The following MARCHF3 variants were observed in gnomAD, a reference collection of about 807,000 sequenced individuals.
MARCHF3 encodes membrane associated ring-CH-type finger 3, also known as E3 ubiquitin-protein ligase MARCHF3.
A neutral mutation model predicts 24.2 loss-of-function variants in MARCHF3; 13 were observed. The ratio of observed to expected loss-of-function variants is 0.54; its 90% CI spans 0.35 to 0.85. The LOEUF (loss-of-function observed/expected upper bound fraction) is 0.85, where lower values mean the gene tolerates loss of function less well. MARCHF3 is among the 40% of genes least tolerant of loss of function. The pLI is 0.01. For missense variants in MARCHF3, 276 were observed against 325.0 expected (o/e 0.85, Z 1.16); for synonymous variants, 144 against 137.3 (o/e 1.05, Z -0.34).
intron 1 of MARCHF3, among the ~76,000 whole-genome samples, chr5:126,976,799 G>A (rs972836146): frequency 2.0e-5 from 3 of 152,210 alleles, no homozygotes; most frequent in African/African-American, 2.4e-5. Context: ...AGCAGGGAGA[G>A]CCCCATTGGG....
intron 1 of MARCHF3, among the ~76,000 whole-genome samples, chr5:126,996,548 A>AT (rs1751955199): frequency 6.6e-6 from 1 of 150,596 alleles, no homozygotes; most frequent in Non-Finnish European, 1.5e-5. Context: ...AAAAAAAAAA[A>AT]GAAAGGGAGA....
intron 1 of MARCHF3, among the ~76,000 whole-genome samples, chr5:126,970,181 G>A (rs916917111): frequency 1.3e-5 from 2 of 151,766 alleles, no homozygotes; most frequent in Admixed American, 1.3e-4. Context: ...TCTGCCTCCC[G>A]GGTTCAAATG....
intron 1 of MARCHF3, among the ~76,000 whole-genome samples, chr5:126,919,027 A>G (rs1161099743): frequency 6.6e-6 from 1 of 152,262 alleles, no homozygotes; most frequent in Non-Finnish European, 1.5e-5. Context: ...AACACATAGG[A>G]GAACGTGAGA....
At chr5:127,003,768 T>C (rs1580476272) in intron 1 of MARCHF3, among the ~76,000 whole-genome samples, 2 of 152,274 alleles carry the variant, frequency 1.3e-5, no homozygotes, top group South Asian at 2.1e-4. Flanking sequence ...AAAAAGTGGA[T>C]AGTGAATTAT....
At chr5:126,893,054 T>C (rs377691366) in intron 3 of MARCHF3, among the ~76,000 whole-genome samples, 1 of 151,986 alleles carries the variant, frequency 6.6e-6, no homozygotes, top group Non-Finnish European at 1.5e-5. Flanking sequence ...CCATTTCTTC[T>C]AGATTTTCTA....
chr5:126,914,863 C>G, intron 3 of MARCHF3, 67 bp downstream of exon 3: 1 of 1,524,716 alleles, frequency 6.6e-7, no homozygotes, highest in East Asian at 2.3e-5. Context: ...GCTTGTGATC[C>G]AGGCATAAAA....
chr5:126,957,880 C>G (rs1750501459), intron 1 of MARCHF3, among the ~76,000 whole-genome samples: 1 of 151,994 alleles, frequency 6.6e-6, no homozygotes, highest in Non-Finnish European at 1.5e-5. Context: ...AGAATTGTGT[C>G]TTGCAAATAT....
intron 1 of MARCHF3, among the ~76,000 whole-genome samples, chr5:126,972,746 T>A (rs75747150): frequency 0.016 from 2,504 of 152,290 alleles, 65 homozygotes; most frequent in African/African-American, 0.057. Context: ...AAATTTATTC[T>A]CACTGGCCTC....
intron 3 of MARCHF3, among the ~76,000 whole-genome samples, chr5:126,892,977 G>T (rs1753748896): frequency 6.6e-6 from 1 of 151,700 alleles, no homozygotes; most frequent in Admixed American, 6.6e-5. Flanking sequence ...TCCTGTTATT[G>T]GTCTATTCAG....
At chr5:127,028,427 T>C (rs567935669) in intron 1 of MARCHF3, among the ~76,000 whole-genome samples, 6 of 152,350 alleles carry the variant, frequency 3.9e-5, no homozygotes, top group South Asian at 4.1e-4. Context: ...TTGTGAATCA[T>C]TGCAACTAGT....
chr5:126,957,954 A>C (rs1750503186), intron 1 of MARCHF3, among the ~76,000 whole-genome samples: 1 of 152,104 alleles, frequency 6.6e-6, no homozygotes, highest in South Asian at 2.1e-4. Context: ...TCAGTATTTT[A>C]GTTTTCCAAA....
chr5:126,911,831 T>A (rs1754542005), intron 3 of MARCHF3, among the ~76,000 whole-genome samples: 1 of 152,210 alleles, frequency 6.6e-6, no homozygotes, highest in Admixed American at 6.5e-5. Flanking sequence ...TAGACACACA[T>A]AATCAACTCA....
At chr5:126,915,601 A>G (rs1754699980) in intron 2 of MARCHF3, among the ~76,000 whole-genome samples, 1 of 152,176 alleles carries the variant, frequency 6.6e-6, no homozygotes, top group South Asian at 2.1e-4. Context: ...AGAGGAGGGA[A>G]GTTAGCCAGC....
At chr5:127,022,026 C>G (rs1420725946) in intron 1 of MARCHF3, among the ~76,000 whole-genome samples, 1 of 152,124 alleles carries the variant, frequency 6.6e-6, no homozygotes, top group East Asian at 1.9e-4. Context: ...AAAACCTCAT[C>G]TTGTTGTAAT....
intron 1 of MARCHF3, among the ~76,000 whole-genome samples, chr5:127,008,880 AATTTATTTATTT>A (rs11270456): frequency 0.035 from 5,159 of 147,858 alleles, 167 homozygotes; most frequent in South Asian, 0.11. Context: ...CTCTTTAAAA[AATTTATTTATTT>A]ATTTATTTAT....
intron 3 of MARCHF3, among the ~76,000 whole-genome samples, chr5:126,881,089 G>C (rs996387811): frequency 2.0e-4 from 31 of 152,258 alleles, no homozygotes; most frequent in African/African-American, 7.5e-4. Context: ...AGACAAACTA[G>C]AGATTATGAT....
chr5:127,030,395 T>C lies in MARCHF3; in HGVS notation c.-102A>G, dbSNP rs972117482. 6.6e-6 allele frequency: 1 copy of C among 152,316 alleles called. No homozygotes were observed. Among genetic ancestry groups the C allele is most frequent in the Non-Finnish European group, 1.5e-5 (1 of 68,150 alleles). 9.4% of individuals were successfully genotyped at this position (152,316 alleles called of 1,614,324 possible). A position where few individuals can be genotyped will look rare whatever the true frequency, so the allele number is the denominator to read the frequency against. ...AGCAAACCGACGTCCCTGCTGCGGTTCTAAGTGCCAAGTTGCCCCCAGTCG... is the reference window on the plus strand; with the variant it reads ...AGCAAACCGACGTCCCTGCTGCGGTCCTAAGTGCCAAGTTGCCCCCAGTCG... On this transcript the variant is annotated 5_prime_UTR_variant, in exon 1 of 5. Coordinates refer to ENST00000308660, the MANE Select transcript of MARCHF3 (RefSeq NM_178450.5).
chr5:126,880,576 C>G (rs1561775387), intron 3 of MARCHF3, among the ~76,000 whole-genome samples: 1 of 152,094 alleles, frequency 6.6e-6, no homozygotes, highest in Non-Finnish European at 1.5e-5. Flanking sequence ...ATTATTGTAT[C>G]TTAATTTTAT....
chr5:126,972,281 A>G (rs564091709), intron 1 of MARCHF3, among the ~76,000 whole-genome samples: 1 of 152,178 alleles, frequency 6.6e-6, no homozygotes, highest in South Asian at 2.1e-4. Flanking sequence ...CAGAACCTCA[A>G]ATCACCCCCT....
Sources: allele counts gnomAD v4.1 joint callset (sites outside exome capture counted in the v4.1 genomes callset), GRCh38; gene constraint gnomAD v4.1.1; transcripts MANE v1.5; gene names NCBI Gene and HGNC (gene_info 2026-07-23, HGNC 2026-07-21).